GARIN2: variants seen among roughly 807,000 people sequenced by gnomAD.
The protein encoded by GARIN2 is golgi associated RAB2 interactor family member 2.
chr14:67,210,535 C>T, the GARIN2 span, among the ~76,000 whole-genome samples: 2 of 152,120 alleles, frequency 1.3e-5, no homozygotes, highest in African/African-American at 4.8e-5. Flanking sequence ...TATTTTATTT[C>T]TATAGTCTGG....
chr14:67,219,465 C>T, the GARIN2 span, among the ~76,000 whole-genome samples: 6 of 152,140 alleles, frequency 3.9e-5, no homozygotes, highest in Non-Finnish European at 8.8e-5. Context: ...TTGCTTTGGT[C>T]CTTTCTTGTG....
the GARIN2 span, among the ~76,000 whole-genome samples, chr14:67,214,735 G>A: frequency 6.6e-6 from 1 of 152,080 alleles, no homozygotes. Flanking sequence ...GGATGGCATT[G>A]AATCTATAAA....
chr14:67,198,734 C>T, the GARIN2 span, among the ~76,000 whole-genome samples: 1 of 152,154 alleles, frequency 6.6e-6, no homozygotes, highest in Non-Finnish European at 1.5e-5. Flanking sequence ...CAGATGGTGT[C>T]GGGGAGAAAA....
At chr14:67,204,639 C>T in the GARIN2 span, 4 of 1,613,858 alleles carry the variant, frequency 2.5e-6, no homozygotes, top group South Asian at 2.2e-5. Context: ...TACAGCTCTG[C>T]ACCTCTGCAT....
the GARIN2 span, chr14:67,196,784 C>T: frequency 1.3e-5 from 2 of 152,416 alleles, no homozygotes; most frequent in South Asian, 4.1e-4. Flanking sequence ...AACAGCTCAG[C>T]TCAGACATAG....
the GARIN2 span, among the ~76,000 whole-genome samples, chr14:67,217,649 G>T: frequency 6.6e-6 from 1 of 152,004 alleles, no homozygotes; most frequent in Non-Finnish European, 1.5e-5. Context: ...CTATATATAA[G>T]TCCCTTGAGC....
chr14:67,206,473 GC>G, the GARIN2 span, among the ~76,000 whole-genome samples: 1 of 152,048 alleles, frequency 6.6e-6, no homozygotes, highest in African/African-American at 2.4e-5. Flanking sequence ...TCCAGCCTGG[GC>G]AACAGAGTGA....
chr14:67,196,215 C>T, the GARIN2 span, among the ~76,000 whole-genome samples: 1 of 145,306 alleles, frequency 6.9e-6, no homozygotes, highest in African/African-American at 2.6e-5. Flanking sequence ...CTTTTCTTTT[C>T]TTTCTTTCTT....
At chr14:67,204,303 G>A in the GARIN2 span, among the ~76,000 whole-genome samples, 1 of 152,166 alleles carries the variant, frequency 6.6e-6, no homozygotes, top group East Asian at 1.9e-4. Flanking sequence ...CCAGGCATTG[G>A]TGGTACATAT....
the GARIN2 span, among the ~76,000 whole-genome samples, chr14:67,213,299 G>T: frequency 1.4e-4 from 19 of 140,406 alleles, no homozygotes; most frequent in Non-Finnish European, 2.3e-4. Context: ...TATCTCCTAA[G>T]GCTATCCCTC....
At chr14:67,221,033 G>C in the GARIN2 span, among the ~76,000 whole-genome samples, 1 of 152,084 alleles carries the variant, frequency 6.6e-6, no homozygotes, top group Non-Finnish European at 1.5e-5. Context: ...ATAAGAATTT[G>C]GTGAAAATTA....
the GARIN2 span, chr14:67,199,202 T>C: frequency 2.0e-5 from 32 of 1,606,674 alleles, no homozygotes; most frequent in African/African-American, 3.5e-4. Flanking sequence ...TGCCAAAGGA[T>C]AGAGTCACTG....
At chr14:67,209,978 A>G in the GARIN2 span, among the ~76,000 whole-genome samples, 4 of 152,178 alleles carry the variant, frequency 2.6e-5, no homozygotes, top group African/African-American at 4.8e-5. Flanking sequence ...AATCAACCTC[A>G]CTAATAATTA....
the GARIN2 span, chr14:67,199,514 T>G: frequency 6.2e-7 from 1 of 1,612,732 alleles, no homozygotes; most frequent in Non-Finnish European, 8.5e-7. Flanking sequence ...TTTTGCTTCA[T>G]TTGATGCTTC....
the GARIN2 span, among the ~76,000 whole-genome samples, chr14:67,195,022 G>C: frequency 6.6e-6 from 1 of 152,194 alleles, no homozygotes; most frequent in East Asian, 1.9e-4. Context: ...AATTAACTAG[G>C]ATAATTGGAG....
chr14:67,213,734 C>T, the GARIN2 span, among the ~76,000 whole-genome samples: 2 of 152,106 alleles, frequency 1.3e-5, no homozygotes, highest in African/African-American at 2.4e-5. Context: ...CCTGAGGAAT[C>T]GCCACACTGA....
the GARIN2 span, among the ~76,000 whole-genome samples, chr14:67,226,963 T>C: frequency 6.6e-6 from 1 of 152,210 alleles, no homozygotes; most frequent in Non-Finnish European, 1.5e-5. Context: ...TCTTTCAATA[T>C]AATATAGAAT....
At chr14:67,223,962 T>C in the GARIN2 span, 7 of 985,214 alleles carry the variant, frequency 7.1e-6, no homozygotes, top group Non-Finnish European at 8.4e-6. Context: ...TTCTAATTTA[T>C]ATTATAGGCG....
the GARIN2 span, among the ~76,000 whole-genome samples, chr14:67,208,968 G>C: frequency 6.7e-6 from 1 of 150,212 alleles, no homozygotes; most frequent in Non-Finnish European, 1.5e-5. Flanking sequence ...GTTGGTCAAA[G>C]ATTTATGATG....
Sources: gnomAD v4.1 joint callset for allele counts (sites outside exome capture counted in the v4.1 genomes callset) on GRCh38, gnomAD v4.1.1 for gene constraint, MANE v1.5 for transcripts, NCBI Gene and HGNC (gene_info 2026-07-23, HGNC 2026-07-21) for gene names.